The following RP1 variants were observed in gnomAD, a reference collection of about 807,000 sequenced individuals.
RP1 encodes the protein RP1 axonemal microtubule associated.
In RP1, 16 loss-of-function variants were observed where a neutral mutation model predicts 14.8. That is an observed-to-expected ratio of 1.08 (90% CI 0.73 to 1.65). RP1 has a LOEUF of 1.65. Among genes scored for constraint, RP1 ranks in the 40% most tolerant of loss-of-function variants. The pLI is 0.00. For synonymous variants in RP1, 876 were observed against 883.6 expected, an observed-to-expected ratio of 0.99 and a Z score of 0.15; for missense variants, 2,631 against 2,535.0, an observed-to-expected ratio of 1.04 and a Z score of -0.81.
Position 54,635,999 on chromosome 8 carries a change from C to A in RP1, c.788-12986C>A, listed in dbSNP as rs548327610. 3.9e-5 allele frequency among the ~76,000 whole-genome samples: 6 copies of A among 152,328 alleles called. No individual in the cohort carries two copies. The South Asian group carries it at 1.2e-3, about 32-fold the overall frequency. ...CCCTCTTCCTCTCCTCCCCACTGAC[C>A]CCTTGCTGATTGAGCTCCCTGCTGC... is the stretch of plus-strand genomic sequence containing the variant. On this transcript the variant is annotated intron_variant, in intron 3 of 22. Transcript: ENST00000636932.
At chr8:54,705,125 T>C (rs1467991325) in intron 14 of RP1, among the ~76,000 whole-genome samples, 1 of 152,118 alleles carries the variant, frequency 6.6e-6, no homozygotes, top group Non-Finnish European at 1.5e-5. Context: ...TCTATAATAC[T>C]ATCCTCACTT....
In RP1 at chr8:54,683,556, T is replaced by G. The variant is rs143574346; in HGVS notation, c.1717+3623T>G. 6.0e-3 allele frequency among the ~76,000 whole-genome samples: 921 copies of G among 152,276 alleles called. 6 individuals carry two copies. The highest frequency in any genetic ancestry group is 0.019 in the African/African-American group (786 of 41,560). Reference sequence around the variant, plus strand: ...CTGTATTCCTAGGTAGTTTATTCTCTTTGTAGCAATCGTGAATGGGAGTTC... The same window carrying G: ...CTGTATTCCTAGGTAGTTTATTCTCGTTGTAGCAATCGTGAATGGGAGTTC... On this transcript the variant is annotated intron_variant, in intron 12 of 22. Transcript: ENST00000636932.
In RP1 at chr8:54,699,368, GA is replaced by G. The variant is rs1807957450; in HGVS notation, c.1718-97del. Reference sequence around the variant, plus strand: ...CCTTTAACTGAAAACATTTAATTGAGAAGTTTAAAATATATTATTAAGAGAT... The same window carrying G: ...CCTTTAACTGAAAACATTTAATTGAGAGTTTAAAATATATTATTAAGAGAT... On this transcript the variant is annotated intron_variant, in intron 12 of 22. Transcript: ENST00000636932. 4 of 449,142 alleles carry G rather than the reference GA, an allele frequency of 8.9e-6. No homozygotes were observed. In the South Asian group the frequency reaches 2.6e-4, roughly 30 times the overall value. 27.8% of individuals were successfully genotyped at this position (449,142 alleles called of 1,614,324 possible).
At chr8:54,578,249 C>T (rs1446184613) in intron 1 of RP1, among the ~76,000 whole-genome samples, 1 of 152,082 alleles carries the variant, frequency 6.6e-6, no homozygotes. Flanking sequence ...TTCTGTTGCC[C>T]AGGCTGGAGT....
At chr8:54,666,564 G>T (rs1236034374) in intron 7 of RP1, among the ~76,000 whole-genome samples, 1 of 151,968 alleles carries the variant, frequency 6.6e-6, no homozygotes, top group Non-Finnish European at 1.5e-5. Flanking sequence ...TTTATTGCTG[G>T]AGTTAGCTAG....
At chr8:54,812,266 G>A (rs528694833) in intron 24 of RP1, among the ~76,000 whole-genome samples, 5 of 152,214 alleles carry the variant, frequency 3.3e-5, no homozygotes, top group South Asian at 4.2e-4. Context: ...TCAGCCTTCC[G>A]AGTAGCTGGC....
Position 54,627,224 on chromosome 8 carries a change from T to G in RP1, c.3342T>G (p.Gly1114=). The G allele has an allele frequency of 6.2e-7, 1 of 1,614,090 alleles. No individual in the cohort carries two copies. The highest frequency in any genetic ancestry group is 1.6e-4 in the Middle Eastern group (1 of 6,062). The change falls in exon 4 of 4, where the codon GGT becomes GGG. Residue 1114 remains glycine, a synonymous_variant. Coordinates refer to ENST00000220676, the MANE Select transcript of RP1 (RefSeq NM_006269.2). ...TTCAAATGCCAGGTTCACTTGCAGG[T>G]GTTCCCTTTCATTCTGCAATATGTA... is the stretch of plus-strand genomic sequence containing the variant. The part of the protein sequence containing the change: ...GVVQMPGSLA[G]VPFHSAICNS...
intron 3 of RP1, among the ~76,000 whole-genome samples, chr8:54,636,751 CA>C (rs1268305035): frequency 6.6e-6 from 1 of 151,944 alleles, no homozygotes; most frequent in African/African-American, 2.4e-5. Context: ...AAAACAAAAA[CA>C]AAAAACACAC....
At chr8:54,632,992 C>T (rs1215180659), downstream of RP1, among the ~76,000 whole-genome samples, 1 of 152,000 alleles carries the variant, frequency 6.6e-6, no homozygotes, top group Non-Finnish European at 1.5e-5. Flanking sequence ...TTGTGTTTTG[C>T]CCACCAGATG....
intron 12 of RP1, among the ~76,000 whole-genome samples, chr8:54,691,580 T>C (rs1232328440): frequency 1.3e-5 from 2 of 151,966 alleles, no homozygotes; most frequent in African/African-American, 4.8e-5. Context: ...TCTCAATTTA[T>C]AGATTATTAA....
At chr8:54,744,025 T>C (rs1439600093) in intron 19 of RP1, among the ~76,000 whole-genome samples, 4 of 152,220 alleles carry the variant, frequency 2.6e-5, no homozygotes. Context: ...GTAAAGGTTC[T>C]GGGATGCCCT....
intron 22 of RP1, among the ~76,000 whole-genome samples, chr8:54,766,514 T>A (rs2129372699): frequency 6.6e-6 from 1 of 152,278 alleles, no homozygotes; most frequent in South Asian, 2.1e-4. Flanking sequence ...ACTGACAGAA[T>A]GAGGTGCAGG....
intron 12 of RP1, chr8:54,696,374 C>T: frequency 1.7e-6 from 1 of 595,736 alleles, no homozygotes; most frequent in Non-Finnish European, 2.9e-6. Context: ...TTTAGAAAAT[C>T]TAACTTTGTG....
chr8:54,619,793 T>G (rs1563327507), intron 1 of RP1, among the ~76,000 whole-genome samples: 1 of 152,254 alleles, frequency 6.6e-6, no homozygotes, highest in Non-Finnish European at 1.5e-5. Context: ...ATGATTTGCC[T>G]GCATTTTCTC....
chr8:54,768,010 G>A (rs928686931), intron 22 of RP1, among the ~76,000 whole-genome samples: 6 of 152,194 alleles, frequency 3.9e-5, no homozygotes, highest in Admixed American at 3.3e-4. Context: ...CTGATTGCAA[G>A]GCTAGTGTGG....
At chr8:54,665,711 G>T (rs567291598) in intron 7 of RP1, among the ~76,000 whole-genome samples, 49 of 152,258 alleles carry the variant, frequency 3.2e-4, no homozygotes, top group African/African-American at 1.1e-3. Context: ...AGAGACAGGT[G>T]GGTCAGCTGG....
At chr8:54,742,585 G>A (rs1370723924) in intron 19 of RP1, among the ~76,000 whole-genome samples, 3 of 152,172 alleles carry the variant, frequency 2.0e-5, no homozygotes. Flanking sequence ...TGGAGGATTT[G>A]AGGAAACCAT....
chr8:54,644,467 A>G lies in RP1; in HGVS notation c.788-4518A>G, dbSNP rs116060114. On this transcript the variant is annotated intron_variant, in intron 3 of 22. Transcript: ENST00000636932. Reference sequence around the variant, plus strand: ...TCTTCTGTGGATGCCAAAGGGGTCCATACCATTAGACACAAGGACACAAGG... The same window carrying G: ...TCTTCTGTGGATGCCAAAGGGGTCCGTACCATTAGACACAAGGACACAAGG... Among the ~76,000 whole-genome samples, 1,162 of 152,304 alleles carry G rather than the reference A, an allele frequency of 7.6e-3. 20 individuals carry two copies. The highest frequency in any genetic ancestry group is 0.027 in the African/African-American group (1,104 of 41,566).
chr8:54,836,219 G>A (rs928587340), intron 24 of RP1, among the ~76,000 whole-genome samples: 2 of 152,186 alleles, frequency 1.3e-5, no homozygotes, highest in Non-Finnish European at 2.9e-5. Flanking sequence ...GAGAAAAGAT[G>A]TTGCAGGTCA....
Sources: allele counts gnomAD v4.1 joint callset (sites outside exome capture counted in the v4.1 genomes callset), GRCh38; gene constraint gnomAD v4.1.1; transcripts MANE v1.5; gene names NCBI Gene and HGNC (gene_info 2026-07-23, HGNC 2026-07-21).